The following BTAF1 variants were observed in gnomAD, a reference collection of about 807,000 sequenced individuals.
BTAF1 encodes B-TFIID TATA-box binding protein associated factor 1, also known as TATA-binding protein-associated factor 172.
In BTAF1, 38 loss-of-function variants were observed where a neutral mutation model predicts 227.1. The observed-to-expected ratio is 0.17, with a 90% confidence interval of 0.13 to 0.22. The LOEUF (loss-of-function observed/expected upper bound fraction) is 0.22. Among genes scored for constraint, BTAF1 ranks in the 10% least tolerant of loss-of-function variants. The probability of loss-of-function intolerance (pLI) is 1.00; values close to 1 mark genes in which losing one functional copy is unlikely to be tolerated. For missense variants in BTAF1, 1,598 were observed against 2,204.0 expected (o/e 0.73, Z 5.51); for synonymous variants, 742 against 751.9 (o/e 0.99, Z 0.21).
intron 6 of BTAF1, among the ~76,000 whole-genome samples, chr10:91,954,348 A>G (rs1219339311): frequency 6.6e-6 from 1 of 152,174 alleles, no homozygotes; most frequent in Non-Finnish European, 1.5e-5. Flanking sequence ...AGCTGGGGCT[A>G]TGCTAAATAG....
chr10:92,023,543 G>A (rs548285785), intron 34 of BTAF1, among the ~76,000 whole-genome samples: 12 of 152,176 alleles, frequency 7.9e-5, no homozygotes, highest in African/African-American at 2.9e-4. Flanking sequence ...AATTCACTGG[G>A]CGTGATGGCA....
chr10:91,996,522 G>T lies in BTAF1; in HGVS notation c.3463G>T (p.Ala1155Ser), dbSNP rs565725059. The T allele has an allele frequency of 6.2e-7, 1 of 1,614,152 alleles. No individual in the cohort carries two copies. The highest frequency in any genetic ancestry group is 1.1e-5 in the South Asian group (1 of 91,078). Residue 1155 changes from alanine to serine, a missense_variant, in exon 24 of 38, where the codon GCA becomes TCA. This residue lies in a region of BTAF1 where 425 missense variants were observed against 491.2 expected (regional missense o/e 0.87). Coordinates refer to ENST00000265990, the MANE Select transcript of BTAF1 (RefSeq NM_003972.3). ...GGAGAAGGTTCTTCCGTGGCTGGGA[G>T]CAATTGATGACAGTGTCAAACAAGA... ...FLEKVLPWLG[A>S]IDDSVKQEGA...
At chr10:92,007,765 C>T in intron 25 of BTAF1, among the ~76,000 whole-genome samples, 1 of 152,206 alleles carries the variant, frequency 6.6e-6, no homozygotes, top group East Asian at 1.9e-4. Flanking sequence ...AGGGGTCGCG[C>T]AGACCACATT....
At chr10:91,940,506 T>C (rs1346240002) in intron 3 of BTAF1, among the ~76,000 whole-genome samples, 2 of 152,102 alleles carry the variant, frequency 1.3e-5, no homozygotes, top group Non-Finnish European at 2.9e-5. Context: ...TTTTGGATTT[T>C]TTGTAGTGGG....
At chr10:92,022,421 CT>C (rs894244544) in intron 34 of BTAF1, among the ~76,000 whole-genome samples, 1 of 151,724 alleles carries the variant, frequency 6.6e-6, no homozygotes, top group South Asian at 2.1e-4. Flanking sequence ...ACTTATAACA[CT>C]TTTTTTTTCT....
rs778825251 is a variant in BTAF1, at chr10:92,026,659, T to C, written c.5143T>C (p.Leu1715=). 2 of 1,614,022 alleles carry C rather than the reference T, an allele frequency of 1.2e-6. No individual in the cohort carries two copies. Among genetic ancestry groups the C allele is most frequent in the South Asian group, 2.2e-5 (2 of 91,064 alleles). The change falls in exon 36 of 38, where the codon TTG becomes CTG. Residue 1715 remains leucine, a synonymous_variant. Transcript: ENST00000265990. The part of the protein sequence containing the change: ...TTHVGGLGLN[L]TGADTVVFVE... ...TCACGTTGGTGGCCTGGGACTTAAT[T>C]TGACAGGCGCTGACACAGTAGTATT...
At chr10:91,963,513 C>G (rs957329668) in intron 12 of BTAF1, among the ~76,000 whole-genome samples, 1 of 152,096 alleles carries the variant, frequency 6.6e-6, no homozygotes, top group Non-Finnish European at 1.5e-5. Context: ...AGAGATCTTC[C>G]CAGTCTTGGC....
Position 92,014,042 on chromosome 10 carries a change from G to C in BTAF1, c.4584+13G>C, listed in dbSNP as rs190379330. 7.5e-6 allele frequency: 12 copies of C among 1,602,082 alleles called. No homozygotes were observed. The highest frequency in any genetic ancestry group is 1.0e-5 in the Non-Finnish European group (12 of 1,176,258). ...TAGTCCTCTCCAGGTTAGGAATCTC[G>C]TGTTTATCATTGTTAGTGGTATGTT... On this transcript the variant is annotated intron_variant, in intron 32 of 37. Transcript: ENST00000265990.
chr10:92,024,997 A>G (rs1851397848), intron 35 of BTAF1, 30 bp downstream of exon 35: 1 of 1,562,258 alleles, frequency 6.4e-7, no homozygotes, highest in Admixed American at 1.7e-5. Context: ...CTTATTCATA[A>G]ATAAATATAT....
chr10:92,001,331 GT>G (rs1175595127), intron 25 of BTAF1, among the ~76,000 whole-genome samples: 1 of 152,208 alleles, frequency 6.6e-6, no homozygotes, highest in African/African-American at 2.4e-5. Flanking sequence ...CTTTGGCTGA[GT>G]ATTCATCTGC....
In BTAF1 at chr10:91,951,035, A is replaced by T. The variant is rs113480545; in HGVS notation, c.401-368A>T. Among the ~76,000 whole-genome samples the T allele has an allele frequency of 3.3e-3, 497 of 152,156 alleles. 11 individuals are homozygous for T. The highest frequency in any genetic ancestry group is 0.012 in the African/African-American group (487 of 41,512). The stretch of plus-strand genomic sequence containing the variant: ...GAGATGGGGTCTCCCTACGTTGTCC[A>T]GACTGGTCTCAAACTCCTGGGCTCA... On this transcript the variant is annotated intron_variant, in intron 4 of 37. Transcript: ENST00000265990.
chr10:92,009,649 A>C (rs932558662), intron 28 of BTAF1, among the ~76,000 whole-genome samples: 3 of 152,224 alleles, frequency 2.0e-5, no homozygotes, highest in African/African-American at 7.2e-5. Context: ...CAGCCTGGGC[A>C]ACATAGTGAG....
chr10:92,001,983 T>TACAC (rs1449003789), intron 25 of BTAF1, among the ~76,000 whole-genome samples: 87 of 89,322 alleles, frequency 9.7e-4, no homozygotes, highest in South Asian at 5.3e-3. Context: ...TATATATATA[T>TACAC]ATACACACAC....
chr10:91,943,059 A>AT (rs1332055385), intron 4 of BTAF1, among the ~76,000 whole-genome samples: 1 of 152,180 alleles, frequency 6.6e-6, no homozygotes, highest in African/African-American at 2.4e-5. Flanking sequence ...CACACCTGTA[A>AT]TCCCAGCACT....
intron 2 of BTAF1, among the ~76,000 whole-genome samples, chr10:91,936,571 G>A (rs111296147): frequency 2.6e-4 from 39 of 152,236 alleles, no homozygotes; most frequent in African/African-American, 9.1e-4. Flanking sequence ...GCTACCACAA[G>A]GACTAACAGT....
In BTAF1 at chr10:91,982,637, T is replaced by G; in HGVS notation, c.2099T>G (p.Val700Gly). 6.2e-7 allele frequency: 1 copy of G among 1,613,866 alleles called. No individual in the cohort carries two copies. The highest frequency in any genetic ancestry group is 8.5e-7 in the Non-Finnish European group (1 of 1,179,864). The change falls in exon 18 of 38, where the codon GTA becomes GGA. Residue 700 changes from valine to glycine, a missense_variant. Transcript: ENST00000265990. ...ATTTGTGATCCAGGTGTAAATGTGG[T>G]AACTCAAGAAATTAAACCAGCTGAA... ...CCICDPGVNV[V>G]TQEIKPAESL...
intron 12 of BTAF1, 90 bp from the exon 13 acceptor site, chr10:91,963,987 A>G: frequency 7.1e-7 from 1 of 1,403,196 alleles, no homozygotes; most frequent in Admixed American, 1.9e-5. Context: ...TGTGTTGTTG[A>G]ATCAGTAGTG....
rs1182947456 is a variant in BTAF1 at position 92,031,413 on chromosome 10, A to AAAAGT, written c.*2484_*2488dup. Among the ~76,000 whole-genome samples the AAAAGT allele has an allele frequency of 3.3e-5, 5 of 152,226 alleles. No homozygotes were observed. Among genetic ancestry groups the AAAAGT allele is most frequent in the Non-Finnish European group, 7.3e-5 (5 of 68,034 alleles). ...ATGGTTTATATGAACTTACTTATTC[A>AAAAGT]AAAGTAAATATTCCACTGAAGCTAT... On this transcript the variant is annotated 3_prime_UTR_variant, in exon 38 of 38. Transcript: ENST00000265990.
chr10:91,993,566 AATTGCTTAC>A (rs1848945153), intron 21 of BTAF1, 119 bp from the exon 22 acceptor site: 1 of 726,370 alleles, frequency 1.4e-6, no homozygotes, highest in Admixed American at 3.9e-5. Flanking sequence ...CATGTCTAAT[AATTGCTTAC>A]TTGGTTAATG....
Sources: allele counts gnomAD v4.1 joint callset (sites outside exome capture counted in the v4.1 genomes callset), GRCh38; gene constraint gnomAD v4.1.1; regional missense constraint gnomAD v4.1.1; transcripts MANE v1.5; gene names NCBI Gene and HGNC (gene_info 2026-07-23, HGNC 2026-07-21).